Variants in TTLL7 observed in about 807,000 individuals in gnomAD.
TTLL7 encodes tubulin tyrosine ligase like 7.
Under a neutral mutation model 120.2 loss-of-function variants are expected in TTLL7, and 53 were observed. That is an observed-to-expected ratio of 0.44 (90% CI 0.35 to 0.55). The LOEUF is 0.55. Among genes scored for constraint, TTLL7 ranks in the 20% least tolerant of loss-of-function variants. TTLL7 has a pLI of 0.00. For missense variants in TTLL7, 803 were observed against 1,054.7 expected, an observed-to-expected ratio of 0.76 and a Z score of 3.31; for synonymous variants, 353 against 351.7, an observed-to-expected ratio of 1.00 and a Z score of -0.04.
chr1:83,883,345 A>G (rs1023833640), intron 19 of TTLL7, among the ~76,000 whole-genome samples: 1 of 151,898 alleles, frequency 6.6e-6, no homozygotes, highest in Non-Finnish European at 1.5e-5. Context: ...TACATATACT[A>G]TTTGTCCGTG....
chr1:83,924,726 G>A (rs1658967192), intron 10 of TTLL7, among the ~76,000 whole-genome samples: 1 of 152,136 alleles, frequency 6.6e-6, no homozygotes, highest in South Asian at 2.1e-4. Context: ...TAAATATTAT[G>A]TTAAGGGTAT....
At chr1:83,986,765 G>A (rs1368368411) in intron 1 of TTLL7, among the ~76,000 whole-genome samples, 7 of 152,138 alleles carry the variant, frequency 4.6e-5, no homozygotes, top group South Asian at 4.1e-4. Flanking sequence ...GCTTGAATCC[G>A]GGAGGCAGAG....
chr1:83,975,763 C>A (rs1215236329), intron 1 of TTLL7, among the ~76,000 whole-genome samples: 1 of 152,048 alleles, frequency 6.6e-6, no homozygotes, highest in East Asian at 1.9e-4. Flanking sequence ...AAAGGGGCCT[C>A]CCCATATATT....
At chr1:83,979,494 C>G (rs1005499120) in intron 1 of TTLL7, 1 of 152,156 alleles carries the variant, frequency 6.6e-6, no homozygotes, top group African/African-American at 2.4e-5. Flanking sequence ...ATATCCGGAT[C>G]AATGGCTGGT....
intron 14 of TTLL7, among the ~76,000 whole-genome samples, chr1:83,916,165 C>A (rs1209048540): frequency 4.6e-5 from 7 of 152,186 alleles, no homozygotes; most frequent in Non-Finnish European, 1.0e-4. Flanking sequence ...GATTATAAAT[C>A]ATGCTGCTAT....
Position 83,907,490 on chromosome 1 carries a change from T to C in TTLL7, c.1958A>G (p.His653Arg). The C allele has an allele frequency of 1.9e-6, 3 of 1,613,048 alleles. No homozygotes were observed. Among genetic ancestry groups the C allele is most frequent in the Non-Finnish European group, 2.5e-6 (3 of 1,179,314 alleles). ...RASSYMRHLP[H>R]SNDACSTNSQ... ...GTTGGTAGAGCAGGCATCATTACTGTGAGGCAGATGCCTCATGTAGGAGGA... is the reference window on the plus strand; with the variant it reads ...GTTGGTAGAGCAGGCATCATTACTGCGAGGCAGATGCCTCATGTAGGAGGA... Residue 653 changes from histidine (H) to arginine (R), a missense_variant, in exon 16 of 21, where the codon CAC becomes CGC. Around this residue, in one of 3 missense-constraint regions of TTLL7, gnomAD observed 388 missense variants for 450.4 expected, o/e 0.86. Coordinates refer to ENST00000260505, the MANE Select transcript of TTLL7 (RefSeq NM_024686.6).
intron 1 of TTLL7, among the ~76,000 whole-genome samples, chr1:83,975,080 T>C (rs191327829): frequency 2.0e-5 from 3 of 152,230 alleles, no homozygotes; most frequent in East Asian, 1.9e-4. Context: ...GCCTATTACA[T>C]AGTGAGCATT....
At chr1:83,986,648 C>T (rs957229734) in intron 1 of TTLL7, among the ~76,000 whole-genome samples, 2 of 152,124 alleles carry the variant, frequency 1.3e-5, no homozygotes, top group Non-Finnish European at 2.9e-5. Context: ...AGTTCGAGAC[C>T]AGCCTGACCA....
rs893973617 is a variant in TTLL7, at chr1:83,998,916, G to A, written c.-177+15C>T. 2 of 388,508 alleles carry A rather than the reference G, an allele frequency of 5.1e-6. No individual in the cohort carries two copies. The highest frequency in any genetic ancestry group is 2.2e-5 in the African/African-American group (1 of 46,062). 24.1% of individuals were successfully genotyped at this position (388,508 alleles called of 1,614,324 possible). ...GGAAGGGGGTCGGGGGAGGATGGCG[G>A]CAGCAGGTACTCACCCGGGTGAGGA... On this transcript the variant is annotated intron_variant, in intron 1 of 20. Coordinates refer to ENST00000260505, the MANE Select transcript of TTLL7 (RefSeq NM_024686.6).
intron 1 of TTLL7, among the ~76,000 whole-genome samples, chr1:83,960,612 G>A (rs1031625510): frequency 5.9e-5 from 9 of 152,060 alleles, no homozygotes; most frequent in African/African-American, 1.9e-4. Flanking sequence ...AATAAGGGTG[G>A]ATGAAAATAA....
At chr1:83,917,744 T>C (rs1658314696) in intron 13 of TTLL7, 54 bp from the exon 14 acceptor site, 3 of 1,188,592 alleles carry the variant, frequency 2.5e-6, no homozygotes, top group Admixed American at 3.9e-5. Flanking sequence ...CTAGAATTTT[T>C]CCAAGTTGAT....
rs1571317870 is a variant in TTLL7, at chr1:83,961,006, TA to T, written c.-176-8620del. On this transcript the variant is annotated intron_variant, in intron 1 of 20. Coordinates refer to ENST00000260505, the MANE Select transcript of TTLL7 (RefSeq NM_024686.6). The stretch of plus-strand genomic sequence containing the variant: ...AAAGAACCATTTGATCAACTACTTC[TA>T]AAAACCTGATAACAGCCAAGTATGA... 3.3e-5 allele frequency among the ~76,000 whole-genome samples: 5 copies of T among 152,264 alleles called. No homozygotes were observed. In the East Asian group the frequency reaches 5.8e-4, roughly 18 times the overall value.
intron 7 of TTLL7, among the ~76,000 whole-genome samples, chr1:83,938,894 T>A (rs1647669295): frequency 6.6e-6 from 1 of 152,302 alleles, no homozygotes; most frequent in South Asian, 2.1e-4. Context: ...TATTATTATT[T>A]TGATTTGTTA....
chr1:83,940,123 C>T (rs1039051444), intron 7 of TTLL7, among the ~76,000 whole-genome samples: 2 of 152,050 alleles, frequency 1.3e-5, no homozygotes, highest in Non-Finnish European at 2.9e-5. Context: ...TTGAAGAGCA[C>T]ATAGCAAAAT....
rs1301638718 is a variant in TTLL7 at position 83,866,157 on chromosome 1, G to C, written c.*3805C>G. 6.6e-6 allele frequency: 1 copy of C among 151,762 alleles called. No homozygotes were observed. The highest frequency in any genetic ancestry group is 6.6e-5 in the Admixed American group (1 of 15,242). 9.4% of individuals were successfully genotyped at this position (151,762 alleles called of 1,614,324 possible). On this transcript the variant is annotated 3_prime_UTR_variant, in exon 21 of 21. Transcript: ENST00000260505. ...ACAGAACAGAAAAGGAAAGTTTTCT[G>C]TCACTCTTGAGGTATTTACTATTTT...
chr1:83,904,011 T>C, intron 18 of TTLL7, 68 bp downstream of exon 18: 1 of 1,172,864 alleles, frequency 8.5e-7, no homozygotes, highest in Non-Finnish European at 1.3e-6. Context: ...TGTCTATGAA[T>C]TTGGCTTAAT....
chr1:83,885,715 C>G (rs988037164), intron 19 of TTLL7, among the ~76,000 whole-genome samples: 5 of 152,062 alleles, frequency 3.3e-5, no homozygotes, highest in Non-Finnish European at 5.9e-5. Flanking sequence ...CAAAGGAAAA[C>G]TGAGTACAGA....
At chr1:83,933,525 G>C in intron 9 of TTLL7, 83 bp downstream of exon 9, 1 of 1,419,568 alleles carries the variant, frequency 7.0e-7, no homozygotes, top group Admixed American at 2.0e-5. Flanking sequence ...TGGGACAACT[G>C]TGTTAAGTAC....
At chr1:83,921,587 G>C (rs1202229053) in intron 10 of TTLL7, among the ~76,000 whole-genome samples, 193 bp from the exon 11 acceptor site, 3 of 152,104 alleles carry the variant, frequency 2.0e-5, no homozygotes, top group Non-Finnish European at 4.4e-5. Flanking sequence ...ATGGTAAACA[G>C]AAATTCTGAA....
Sources: gnomAD v4.1 joint callset for allele counts (sites outside exome capture counted in the v4.1 genomes callset) on GRCh38, gnomAD v4.1.1 for gene constraint, gnomAD v4.1.1 regional missense constraint, MANE v1.5 for transcripts, NCBI Gene and HGNC (gene_info 2026-07-23, HGNC 2026-07-21) for gene names.